The following KCNT2 variants were observed in gnomAD, a reference collection of about 807,000 sequenced individuals.
KCNT2 encodes potassium sodium-activated channel subfamily T member 2.
In KCNT2, 67 loss-of-function variants were observed where a neutral mutation model predicts 153.8. That is an observed-to-expected ratio of 0.44 (90% CI 0.36 to 0.53). The LOEUF is 0.53. Among genes scored for constraint, KCNT2 ranks in the 20% least tolerant of loss-of-function variants. The pLI is 0.00. For missense variants in KCNT2, 975 were observed against 1,354.8 expected, an observed-to-expected ratio of 0.72 and a Z score of 4.40; for synonymous variants, 500 against 458.8, an observed-to-expected ratio of 1.09 and a Z score of -1.15.
intron 3 of KCNT2, among the ~76,000 whole-genome samples, chr1:196,486,743 A>G (rs1679450791): frequency 6.6e-6 from 1 of 151,966 alleles, no homozygotes; most frequent in South Asian, 2.1e-4. Flanking sequence ...CTTGTAATGT[A>G]TTAACAAATA....
chr1:196,556,476 T>A (rs1285770572), intron 1 of KCNT2, among the ~76,000 whole-genome samples: 4 of 151,324 alleles, frequency 2.6e-5, no homozygotes, highest in African/African-American at 7.3e-5. Flanking sequence ...TAAAATGGCT[T>A]TTTTCCAAAA....
At position 196,228,308 on chromosome 1, in the gene KCNT2, G is replaced by A. The variant is rs776255632; in HGVS notation, c.3324C>T (p.Ala1108=). ...GACTGGGCTCACTGTTTGGAAGGTAGGCCAGTGGATCTGGTCGAATTAAGT... is the reference window on the plus strand; with the variant it reads ...GACTGGGCTCACTGTTTGGAAGGTAAGCCAGTGGATCTGGTCGAATTAAGT... ...VVYLIRPDPL[A]YLPNSEPSRR... is the part of the protein sequence containing the mutation. Residue 1108 remains alanine, a synonymous_variant, in exon 28 of 28, where the codon GCC becomes GCT. Coordinates refer to ENST00000294725, the MANE Select transcript of KCNT2 (RefSeq NM_198503.5). 4 of 1,607,342 alleles carry A rather than the reference G, an allele frequency of 2.5e-6. No homozygotes were observed. Among genetic ancestry groups the A allele is most frequent in the Admixed American group, 3.4e-5 (2 of 59,558 alleles).
intron 8 of KCNT2, among the ~76,000 whole-genome samples, chr1:196,436,947 C>T (rs924977880): frequency 2.9e-5 from 4 of 138,368 alleles, no homozygotes; most frequent in African/African-American, 1.1e-4. Context: ...TTTTAGTAAA[C>T]ATTTTGGTAT....
chr1:196,595,884 G>A (rs1358026616), intron 1 of KCNT2, among the ~76,000 whole-genome samples: 1 of 151,612 alleles, frequency 6.6e-6, no homozygotes, highest in Non-Finnish European at 1.5e-5. Flanking sequence ...TATATCACTC[G>A]TAGGCCTTTG....
At chr1:196,412,286 C>T (rs1672401229) in intron 12 of KCNT2, among the ~76,000 whole-genome samples, 1 of 151,632 alleles carries the variant, frequency 6.6e-6, no homozygotes, top group Non-Finnish European at 1.5e-5. Flanking sequence ...CTTAGTGTCA[C>T]TTCTACTAGT....
rs965204012 is a variant in KCNT2, at chr1:196,305,165, T to C, written c.2595+69A>G. 29 of 890,288 alleles carry C rather than the reference T, an allele frequency of 3.3e-5. No homozygotes were observed. The African/African-American group carries it at 4.6e-4, about 14-fold the overall frequency. The allele number at this position is 890,288 out of a possible 1,614,324, so 55.1% of individuals were successfully genotyped here. ...TTACTATCTCATGGCATTTTTTTTA[T>C]ATATTTACAGAGTTAATTTCTGAAT... On this transcript the variant is annotated intron_variant, in intron 22 of 27. Coordinates refer to ENST00000294725, the MANE Select transcript of KCNT2 (RefSeq NM_198503.5).
At chr1:196,582,931 TAC>T (rs1662240302) in intron 1 of KCNT2, among the ~76,000 whole-genome samples, 1 of 152,048 alleles carries the variant, frequency 6.6e-6, no homozygotes, top group African/African-American at 2.4e-5. Context: ...GATTATAAAA[TAC>T]AGAGATTTGC....
At chr1:196,411,808 T>G (rs138360904) in intron 12 of KCNT2, among the ~76,000 whole-genome samples, 9 of 151,958 alleles carry the variant, frequency 5.9e-5, no homozygotes, top group African/African-American at 2.2e-4. Context: ...GGGGGATATA[T>G]TCCAAGACCT....
chr1:196,486,789 CT>C (rs927473496), intron 3 of KCNT2, among the ~76,000 whole-genome samples: 7 of 151,888 alleles, frequency 4.6e-5, no homozygotes, highest in African/African-American at 1.2e-4. Flanking sequence ...TACAACCCCC[CT>C]GACCATAATA....
intron 11 of KCNT2, 132 bp downstream of exon 11, chr1:196,425,720 A>T: frequency 1.2e-6 from 1 of 838,938 alleles, no homozygotes; most frequent in Non-Finnish European, 1.9e-6. Flanking sequence ...CAGAGGGACT[A>T]AGGCAAGAGT....
At chr1:196,309,437 C>A (rs1352710419) in intron 21 of KCNT2, among the ~76,000 whole-genome samples, 1 of 151,526 alleles carries the variant, frequency 6.6e-6, no homozygotes, top group East Asian at 1.9e-4. Context: ...GTTGAGTGAC[C>A]CAGTCCTTGT....
chr1:196,524,558 G>A (rs545343894), intron 1 of KCNT2, among the ~76,000 whole-genome samples: 10 of 152,048 alleles, frequency 6.6e-5, no homozygotes, highest in African/African-American at 1.7e-4. Flanking sequence ...ACATCATGCT[G>A]TATCATTTAA....
chr1:196,369,054 A>G (rs2148311864), intron 14 of KCNT2, among the ~76,000 whole-genome samples: 1 of 152,186 alleles, frequency 6.6e-6, no homozygotes, highest in Non-Finnish European at 1.5e-5. Flanking sequence ...TTTTCTTATC[A>G]ATTCTCTCTT....
intron 13 of KCNT2, among the ~76,000 whole-genome samples, chr1:196,382,027 T>C (rs1026595155): frequency 6.6e-6 from 1 of 152,070 alleles, no homozygotes; most frequent in Non-Finnish European, 1.5e-5. Context: ...TACAGATACT[T>C]TGCCTGCTCT....
At chr1:196,370,949 C>T (rs1440162014) in intron 14 of KCNT2, among the ~76,000 whole-genome samples, 4 of 151,980 alleles carry the variant, frequency 2.6e-5, no homozygotes, top group Non-Finnish European at 5.9e-5. Context: ...ATTTGGGTGA[C>T]CAGTACACTA....
chr1:196,314,038 A>G (rs1662459086), intron 21 of KCNT2, among the ~76,000 whole-genome samples: 1 of 151,570 alleles, frequency 6.6e-6, no homozygotes, highest in South Asian at 2.1e-4. Flanking sequence ...GTTGCCATAT[A>G]TGTATCTGTC....
chr1:196,554,494 A>G (rs1443771882), intron 1 of KCNT2, among the ~76,000 whole-genome samples: 2 of 150,814 alleles, frequency 1.3e-5, no homozygotes, highest in East Asian at 3.9e-4. Flanking sequence ...AACAAGAAAT[A>G]ATATTGAAGC....
intron 13 of KCNT2, among the ~76,000 whole-genome samples, chr1:196,381,181 T>C (rs1669455290): frequency 6.6e-6 from 1 of 152,292 alleles, no homozygotes; most frequent in East Asian, 1.9e-4. Flanking sequence ...ATAAATATAA[T>C]CTTTTTTGAT....
At chr1:196,486,070 A>G (rs895685765) in intron 3 of KCNT2, among the ~76,000 whole-genome samples, 2 of 151,960 alleles carry the variant, frequency 1.3e-5, no homozygotes, top group South Asian at 4.1e-4. Flanking sequence ...GTAAAACAAC[A>G]AAAACATTAC....
Sources: allele counts gnomAD v4.1 joint callset (sites outside exome capture counted in the v4.1 genomes callset), GRCh38; gene constraint gnomAD v4.1.1; transcripts MANE v1.5; gene names NCBI Gene and HGNC (gene_info 2026-07-23, HGNC 2026-07-21).